C9: variants seen among roughly 807,000 people sequenced by gnomAD.
C9 encodes the protein complement C9, also known as complement component C9.
In C9, 63 loss-of-function variants were observed where a neutral mutation model predicts 65.4. That is an observed-to-expected ratio of 0.96 (90% confidence interval 0.79 to 1.19). The LOEUF (loss-of-function observed/expected upper bound fraction) is 1.19. Among genes scored for constraint, C9 ranks in the 50% most tolerant of loss-of-function variants. The pLI is 0.00. For missense variants in C9, 744 were observed against 670.1 expected (o/e 1.11, Z -1.22); for synonymous variants, 229 against 227.9 (o/e 1.00, Z -0.04).
intron 5 of C9, among the ~76,000 whole-genome samples, chr5:39,330,307 G>C (rs1373384308): frequency 6.6e-6 from 1 of 152,116 alleles, no homozygotes; most frequent in African/African-American, 2.4e-5. Context: ...CTGAAATGCT[G>C]AAACACATGT....
chr5:39,359,827 G>T (rs989751705), intron 1 of C9, among the ~76,000 whole-genome samples: 1 of 152,174 alleles, frequency 6.6e-6, no homozygotes, highest in Non-Finnish European at 1.5e-5. Context: ...CCCAGTGAGG[G>T]CAGGGACCCT....
intron 9 of C9, among the ~76,000 whole-genome samples, chr5:39,292,005 A>C (rs1753105559): frequency 6.6e-6 from 1 of 151,772 alleles, no homozygotes; most frequent in African/African-American, 2.4e-5. Context: ...AAAAGTGAAG[A>C]GGTTATAAGA....
At chr5:39,363,041 A>G (rs981153584) in intron 1 of C9, among the ~76,000 whole-genome samples, 1 of 152,126 alleles carries the variant, frequency 6.6e-6, no homozygotes, top group Non-Finnish European at 1.5e-5. Context: ...ACAGCCTCTC[A>G]TTTTTGATCA....
At chr5:39,344,308 A>T (rs1328167097) in intron 1 of C9, among the ~76,000 whole-genome samples, 2 of 152,160 alleles carry the variant, frequency 1.3e-5, no homozygotes. Flanking sequence ...TAGAATAACC[A>T]CTGTAGAGAA....
At chr5:39,307,314 T>C (rs938523898) in intron 8 of C9, among the ~76,000 whole-genome samples, 4 of 152,156 alleles carry the variant, frequency 2.6e-5, no homozygotes, top group South Asian at 2.1e-4. Flanking sequence ...TTTGTAAGTC[T>C]TTTACAGCTG....
intron 5 of C9, among the ~76,000 whole-genome samples, chr5:39,321,536 G>T (rs919615993): frequency 5.3e-5 from 8 of 151,688 alleles, no homozygotes; most frequent in African/African-American, 7.3e-5. Flanking sequence ...AAAACAACCA[G>T]AAAACAATGA....
rs147699241 is a variant in C9, at chr5:39,301,575, ACT to A, written c.1416+5040_1416+5041del. On this transcript the variant is annotated intron_variant, in intron 9 of 10. Transcript: ENST00000263408. Reference sequence around the variant, plus strand: ...TTCTCTCTACTATTTCTGCAATATTACTCTCTGTACTATTCTGCAATATTACT... The same window carrying A: ...TTCTCTCTACTATTTCTGCAATATTACTCTGTACTATTCTGCAATATTACT... 3.9e-3 allele frequency among the ~76,000 whole-genome samples: 595 copies of A among 152,108 alleles called. 4 individuals are homozygous for A. Among genetic ancestry groups the A allele is most frequent in the African/African-American group, 0.014 (577 of 41,508 alleles).
intron 9 of C9, among the ~76,000 whole-genome samples, chr5:39,291,472 C>G (rs1230575405): frequency 2.6e-5 from 4 of 151,376 alleles, no homozygotes; most frequent in Non-Finnish European, 4.4e-5. Context: ...TTTTGAGCCC[C>G]AGAAGGAGAA....
intron 7 of C9, among the ~76,000 whole-genome samples, chr5:39,309,440 T>C (rs1753440807): frequency 6.6e-6 from 1 of 152,152 alleles, no homozygotes; most frequent in Admixed American, 6.5e-5. Context: ...TATCAAATAT[T>C]TCTCATGCAC....
At chr5:39,296,666 T>C (rs1753190583) in intron 9 of C9, among the ~76,000 whole-genome samples, 1 of 151,662 alleles carries the variant, frequency 6.6e-6, no homozygotes, top group African/African-American at 2.4e-5. Flanking sequence ...GCAGCATTAT[T>C]CACAGTAGCC....
At chr5:39,310,203 C>G (rs1212518157) in intron 7 of C9, among the ~76,000 whole-genome samples, 1 of 152,114 alleles carries the variant, frequency 6.6e-6, no homozygotes, top group Non-Finnish European at 1.5e-5. Flanking sequence ...CAGGCTTTTA[C>G]GTCACAGTTA....
chr5:39,333,783 CG>C (rs1753895163), intron 4 of C9, among the ~76,000 whole-genome samples: 1 of 151,218 alleles, frequency 6.6e-6, no homozygotes, highest in Non-Finnish European at 1.5e-5. Context: ...GACTGGTTTT[CG>C]TATTTTTTTG....
At chr5:39,325,879 T>A (rs1579859993) in intron 5 of C9, among the ~76,000 whole-genome samples, 1 of 152,292 alleles carries the variant, frequency 6.6e-6, no homozygotes, top group East Asian at 1.9e-4. Context: ...AATAATCTCC[T>A]TGTTGTAGGA....
At chr5:39,325,599 C>A (rs1466553165) in intron 5 of C9, among the ~76,000 whole-genome samples, 1 of 152,056 alleles carries the variant, frequency 6.6e-6, no homozygotes, top group Non-Finnish European at 1.5e-5. Flanking sequence ...ATGGTGAAAT[C>A]CCATCTCTAC....
chr5:39,363,431 C>T (rs937524004), intron 1 of C9, among the ~76,000 whole-genome samples: 7 of 152,070 alleles, frequency 4.6e-5, no homozygotes, highest in Non-Finnish European at 7.4e-5. Flanking sequence ...GTACTGGAGA[C>T]GGGCATCAAA....
chr5:39,357,133 AAAAG>A (rs1296425463), intron 1 of C9, among the ~76,000 whole-genome samples: 1 of 152,186 alleles, frequency 6.6e-6, no homozygotes, highest in Non-Finnish European at 1.5e-5. Context: ...CAGTTTTAGA[AAAAG>A]AAAGCCTCAG....
At chr5:39,307,156 G>A (rs531595712) in intron 8 of C9, among the ~76,000 whole-genome samples, 1 of 152,172 alleles carries the variant, frequency 6.6e-6, no homozygotes, top group East Asian at 1.9e-4. Flanking sequence ...TAATTATATT[G>A]TGTACATTTG....
chr5:39,301,925 A>C (rs1003116959), intron 9 of C9, among the ~76,000 whole-genome samples: 6 of 152,128 alleles, frequency 3.9e-5, no homozygotes, highest in Non-Finnish European at 8.8e-5. Context: ...CAACATTGTC[A>C]CATTGGCACA....
chr5:39,285,012 C>T lies in C9; in HGVS notation c.*187G>A. On this transcript the variant is annotated 3_prime_UTR_variant, in exon 11 of 11. Transcript: ENST00000263408. ...ATTAGGGAACAAAAAATGGAAACATCACAGGAGTTTAAGGAAGAAAAATTT... is the reference window on the plus strand; with the variant it reads ...ATTAGGGAACAAAAAATGGAAACATTACAGGAGTTTAAGGAAGAAAAATTT... The T allele has an allele frequency of 3.5e-6, 2 of 578,324 alleles. No individual in the cohort carries two copies. Among genetic ancestry groups the T allele is most frequent in the South Asian group, 2.4e-5 (1 of 42,018 alleles). 35.8% of individuals were successfully genotyped at this position (578,324 alleles called of 1,614,324 possible). A position where few individuals can be genotyped will look rare whatever the true frequency, so the allele number is the denominator to read the frequency against.
Sources: allele counts gnomAD v4.1 joint callset (sites outside exome capture counted in the v4.1 genomes callset), GRCh38; gene constraint gnomAD v4.1.1; transcripts MANE v1.5; gene names NCBI Gene and HGNC (gene_info 2026-07-23, HGNC 2026-07-21).